The following HEATR6 variants were observed in gnomAD, a reference collection of about 807,000 sequenced individuals.
HEATR6 encodes the protein HEAT repeat-containing protein 6.
A neutral mutation model predicts 132.8 loss-of-function variants in HEATR6; 106 were observed. The ratio of observed to expected loss-of-function variants is 0.80; its 90% confidence interval spans 0.68 to 0.94. The LOEUF is 0.94. HEATR6 is among the 40% of genes least tolerant of loss of function. The pLI, the probability that HEATR6 is intolerant of heterozygous loss-of-function variation, is 0.00. For missense variants in HEATR6, 1,339 were observed against 1,425.1 expected (o/e 0.94, Z 0.97); for synonymous variants, 529 against 537.8 (o/e 0.98, Z 0.23).
rs536781008 is a variant in HEATR6 at position 60,056,155 on chromosome 17, A to G, written c.2162T>C (p.Met721Thr). ...CTGAATGGATGGATCTGCTTCCCCCATGCACTTGCAAATCACCTCTCCAAG... is the reference window on the plus strand; with the variant it reads ...CTGAATGGATGGATCTGCTTCCCCCGTGCACTTGCAAATCACCTCTCCAAG... ...MELGEVICKC[M>T]GEADPSIQLH... The change falls in exon 13 of 20, where the codon ATG (methionine) becomes ACG (threonine). Residue 721 changes from methionine (M) to threonine (T), a missense_variant. By Grantham distance (81) the Met-to-Thr change is moderately conservative. Coordinates refer to ENST00000184956, the MANE Select transcript of HEATR6 (RefSeq NM_022070.5). 3 of 1,614,128 alleles carry G rather than the reference A, an allele frequency of 1.9e-6. No individual in the cohort carries two copies. Among genetic ancestry groups the G allele is most frequent in the South Asian group, 2.2e-5 (2 of 91,068 alleles).
chr17:60,045,941 T>A, intron 19 of HEATR6, 84 bp downstream of exon 19: 1 of 1,033,462 alleles, frequency 9.7e-7, no homozygotes, highest in Non-Finnish European at 1.5e-6. Context: ...ACAAATAACA[T>A]GTGACAAACA....
chr17:60,073,351 TTC>T, intron 3 of HEATR6, 72 bp from the exon 4 acceptor site: 4 of 906,470 alleles, frequency 4.4e-6, no homozygotes, highest in Non-Finnish European at 7.0e-6. Flanking sequence ...GACAGATTTC[TTC>T]TTTCTTTTTT....
chr17:60,048,971 ACATATATATATAAT>A (rs1408163319), intron 16 of HEATR6, among the ~76,000 whole-genome samples: 63 of 106,504 alleles, frequency 5.9e-4, no homozygotes, highest in Middle Eastern at 4.2e-3. Flanking sequence ...AAAATAAATA[ACATATATATATAAT>A]ATATATATAT....
intron 19 of HEATR6, among the ~76,000 whole-genome samples, chr17:60,044,593 T>G (rs1475226060): frequency 6.6e-6 from 1 of 152,246 alleles, no homozygotes; most frequent in African/African-American, 2.4e-5. Flanking sequence ...TAGCCAGTCA[T>G]GCATTTTATT....
intron 7 of HEATR6, among the ~76,000 whole-genome samples, chr17:60,068,432 T>C (rs2083253831): frequency 6.6e-6 from 1 of 151,702 alleles, no homozygotes; most frequent in Non-Finnish European, 1.5e-5. Context: ...GGACTACTTA[T>C]TGTGGCCCCC....
Position 60,046,123 on chromosome 17 carries a change from G to T in HEATR6, c.2876C>A (p.Ala959Asp). 6.2e-7 allele frequency: 1 copy of T among 1,613,634 alleles called. No homozygotes were observed. Among genetic ancestry groups the T allele is most frequent in the East Asian group, 2.2e-5 (1 of 44,880 alleles). ...TTCTGTTAGAACAGTAGAAATTAGGGCCTGGATAGACTCCTCAATGATTTC... is the reference window on the plus strand; with the variant it reads ...TTCTGTTAGAACAGTAGAAATTAGGTCCTGGATAGACTCCTCAATGATTTC... Reference protein sequence around the residue: ...FAEIIEESIQALISTVLTEAA... With the variant: ...FAEIIEESIQDLISTVLTEAA... Residue 959 changes from alanine (A) to aspartate (D), a missense_variant, in exon 19 of 20, where the codon GCC becomes GAC. Ala to Asp is a moderately radical substitution (Grantham distance 126). Coordinates refer to ENST00000184956, the MANE Select transcript of HEATR6 (RefSeq NM_022070.5).
intron 4 of HEATR6, 115 bp downstream of exon 4, chr17:60,073,049 A>G: frequency 1.6e-6 from 1 of 611,634 alleles, no homozygotes; most frequent in East Asian, 2.6e-5. Flanking sequence ...TGGGAAATGC[A>G]AAGTTAGTTA....
chr17:60,074,653 C>T (rs556640695), intron 2 of HEATR6, among the ~76,000 whole-genome samples: 28 of 152,224 alleles, frequency 1.8e-4, no homozygotes, highest in Non-Finnish European at 2.6e-4. Flanking sequence ...ATGTCCACCT[C>T]TCCCATGTGA....
chr17:60,060,120 T>G (rs537949535), intron 9 of HEATR6, 24 bp from the exon 10 acceptor site: 3 of 1,534,072 alleles, frequency 2.0e-6, no homozygotes, highest in Non-Finnish European at 2.7e-6. Flanking sequence ...ATGATTCACA[T>G]TGATTAGTTG....
rs373292158 is a variant in HEATR6, at chr17:60,071,960, T to C, written c.699+255A>G. ...TTAAAGATAGTCACTAGCCTGCAAC[T>C]ATTGCTTTTATACTCAGAAGGAAAA... On this transcript the variant is annotated intron_variant, in intron 5 of 19. Coordinates refer to ENST00000184956, the MANE Select transcript of HEATR6 (RefSeq NM_022070.5). Among the ~76,000 whole-genome samples, 44 of 152,370 alleles carry C rather than the reference T, an allele frequency of 2.9e-4. No homozygotes were observed. The South Asian group carries it at 8.9e-3, about 31-fold the overall frequency.
chr17:60,055,066 G>C (rs1040981660), intron 14 of HEATR6, among the ~76,000 whole-genome samples: 3 of 152,068 alleles, frequency 2.0e-5, no homozygotes, highest in African/African-American at 7.2e-5. Context: ...TCATACGAGA[G>C]CTGGTTGTTT....
rs1219698007 is a variant in HEATR6, at chr17:60,070,762, C to A, written c.745G>T (p.Gly249Trp). The A allele has an allele frequency of 1.2e-6, 2 of 1,610,844 alleles. No homozygotes were observed. The highest frequency in any genetic ancestry group is 1.7e-6 in the Non-Finnish European group (2 of 1,177,146). Reference protein sequence around the residue: ...LKGIQSLLNGGRMKLTQTDEL... With the variant: ...LKGIQSLLNGWRMKLTQTDEL... ...TCAGTCTGTGTTAGTTTCATTCTCC[C>A]ACCATTTAGAAGTGACTGTATACCT... is the stretch of plus-strand genomic sequence containing the variant. Residue 249 changes from glycine (G) to tryptophan (W), a missense_variant, in exon 6 of 20, where the codon GGG (glycine) becomes TGG (tryptophan). Physicochemically the swap from Gly to Trp is radical, Grantham distance 184. Transcript: ENST00000184956.
intron 17 of HEATR6, among the ~76,000 whole-genome samples, chr17:60,047,795 C>T (rs142687087): frequency 1.8e-3 from 279 of 152,270 alleles, no homozygotes; most frequent in East Asian, 0.013. Context: ...GTTGCTTATA[C>T]GCTGAAGTGA....
At position 60,044,911 on chromosome 17, in the gene HEATR6, C is replaced by T. The variant is rs1173414213; in HGVS notation, c.2975-777G>A. On this transcript the variant is annotated intron_variant, in intron 19 of 19. Transcript: ENST00000184956. ...GAGCTATGAGACACTCACAATCCGACCCGTCAGAGTCCTTTATCAGTTTCT... is the reference window on the plus strand; with the variant it reads ...GAGCTATGAGACACTCACAATCCGATCCGTCAGAGTCCTTTATCAGTTTCT... Among the ~76,000 whole-genome samples, 3 of 152,236 alleles carry T rather than the reference C, an allele frequency of 2.0e-5. No homozygotes were observed. In the East Asian group the frequency reaches 5.8e-4, roughly 29 times the overall value.
intron 19 of HEATR6, among the ~76,000 whole-genome samples, chr17:60,044,392 A>G (rs1174901894): frequency 6.6e-6 from 1 of 152,108 alleles, no homozygotes; most frequent in East Asian, 1.9e-4. Context: ...GCTACCCAAT[A>G]TAAAGCCTTT....
At chr17:60,078,434 A>G (rs896070498) in intron 1 of HEATR6, among the ~76,000 whole-genome samples, 1 of 149,058 alleles carries the variant, frequency 6.7e-6, no homozygotes, top group African/African-American at 2.5e-5. Context: ...GCGGATGGAA[A>G]GTTGGTATCA....
At position 60,067,248 on chromosome 17, in the gene HEATR6, C is replaced by T. The variant is rs569442171; in HGVS notation, c.1238+186G>A. Among the ~76,000 whole-genome samples, 48 of 126,898 alleles carry T rather than the reference C, an allele frequency of 3.8e-4. 1 individual carries two copies. The South Asian group carries it at 0.011, about 30-fold the overall frequency. 83.3% of individuals were successfully genotyped at this position (126,898 alleles called of 152,430 possible). On this transcript the variant is annotated intron_variant, in intron 8 of 19. Coordinates refer to ENST00000184956, the MANE Select transcript of HEATR6 (RefSeq NM_022070.5). ...TCCCGCCACTGCACTCCAGCCTGGG[C>T]GACAGAGCGAGACTCCGTCTCAAAA...
intron 2 of HEATR6, chr17:60,075,623 G>C (rs1288083422): frequency 6.6e-6 from 1 of 152,132 alleles, no homozygotes; most frequent in Non-Finnish European, 1.5e-5. Context: ...TGGTGGGAAA[G>C]AGGCAGGGGA....
chr17:60,063,095 G>C (rs777829498), intron 9 of HEATR6: 1 of 152,242 alleles, frequency 6.6e-6, no homozygotes, highest in Non-Finnish European at 1.5e-5. Flanking sequence ...AAGACTGCCT[G>C]TTCTTTGCTA....
Sources: allele counts gnomAD v4.1 joint callset (sites outside exome capture counted in the v4.1 genomes callset), GRCh38; gene constraint gnomAD v4.1.1; transcripts MANE v1.5; gene names NCBI Gene and HGNC (gene_info 2026-07-23, HGNC 2026-07-21).